The following RBFOX1 variants were observed in gnomAD, a reference collection of about 807,000 sequenced individuals.
The protein encoded by RBFOX1 is RNA binding protein fox-1 homolog 1.
A neutral mutation model predicts 57.7 loss-of-function variants in RBFOX1; 8 were observed. The observed-to-expected ratio is 0.14, with a 90% CI of 0.08 to 0.25. The LOEUF (loss-of-function observed/expected upper bound fraction) is 0.25. RBFOX1 is among the 10% of genes least tolerant of loss of function. The pLI is 1.00. For synonymous variants in RBFOX1, 326 were observed against 222.4 expected (o/e 1.47, Z -4.15); for missense variants, 611 against 548.5 (o/e 1.11, Z -1.14).
intron 3 of RBFOX1, among the ~76,000 whole-genome samples, chr16:6,888,044 T>C (rs1269805050): frequency 6.6e-6 from 1 of 152,098 alleles, no homozygotes; most frequent in Non-Finnish European, 1.5e-5. Context: ...TGCTTGTGTG[T>C]CTGATTTGGG....
At chr16:6,939,737 C>G (rs1742102253) in intron 3 of RBFOX1, among the ~76,000 whole-genome samples, 1 of 151,984 alleles carries the variant, frequency 6.6e-6, no homozygotes, top group Non-Finnish European at 1.5e-5. Flanking sequence ...GTCTCAGACT[C>G]CTGGCCTCAA....
intron 3 of RBFOX1, among the ~76,000 whole-genome samples, chr16:6,798,175 G>C (rs1334153317): frequency 6.6e-6 from 1 of 152,114 alleles, no homozygotes; most frequent in African/African-American, 2.4e-5. Flanking sequence ...GGCGTTTCTA[G>C]TCTCTTCTCT....
intron 3 of RBFOX1, among the ~76,000 whole-genome samples, chr16:5,654,879 G>T (rs1170954355): frequency 6.6e-6 from 1 of 151,932 alleles, no homozygotes; most frequent in Admixed American, 6.6e-5. Flanking sequence ...TTGTAAGCAA[G>T]CAGGGGAATG....
At chr16:5,794,859 C>T (rs1177552565) in intron 3 of RBFOX1, among the ~76,000 whole-genome samples, 3 of 152,142 alleles carry the variant, frequency 2.0e-5, no homozygotes, top group Non-Finnish European at 2.9e-5. Flanking sequence ...AGGCTGCAAT[C>T]CTACTATGGC....
At chr16:7,549,591 C>A (rs906964848) in intron 5 of RBFOX1, among the ~76,000 whole-genome samples, 1 of 152,312 alleles carries the variant, frequency 6.6e-6, no homozygotes, top group South Asian at 2.1e-4. Flanking sequence ...GTGAAACCTT[C>A]AGTCTGTGGT....
chr16:6,858,774 GT>G (rs780589612), intron 3 of RBFOX1, among the ~76,000 whole-genome samples: 2 of 152,026 alleles, frequency 1.3e-5, no homozygotes, highest in Non-Finnish European at 2.9e-5. Flanking sequence ...TTAGTTGAAA[GT>G]TTTAGAAAAC....
At chr16:5,409,880 T>C (rs1253744042) in intron 1 of RBFOX1, among the ~76,000 whole-genome samples, 1 of 151,880 alleles carries the variant, frequency 6.6e-6, no homozygotes, top group Non-Finnish European at 1.5e-5. Context: ...AAACCCCGTC[T>C]CTACTAAAAA....
intron 1 of RBFOX1, among the ~76,000 whole-genome samples, chr16:6,216,903 T>C (rs2097339219): frequency 6.6e-6 from 1 of 152,170 alleles, no homozygotes; most frequent in Non-Finnish European, 1.5e-5. Flanking sequence ...TGGAAGCTCT[T>C]CTTTGATAAT....
At chr16:6,752,615 A>C (rs2075127656) in intron 3 of RBFOX1, among the ~76,000 whole-genome samples, 1 of 152,160 alleles carries the variant, frequency 6.6e-6, no homozygotes, top group African/African-American at 2.4e-5. Flanking sequence ...TTATTATGGC[A>C]TCTTGCCATA....
intron 4 of RBFOX1, among the ~76,000 whole-genome samples, chr16:7,320,941 T>G (rs1266653349): frequency 2.0e-5 from 3 of 152,158 alleles, no homozygotes; most frequent in Non-Finnish European, 4.4e-5. Context: ...GAGCCCAAAT[T>G]TGGACCCAAA....
At chr16:5,475,720 T>C (rs1008852714) in intron 2 of RBFOX1, among the ~76,000 whole-genome samples, 8 of 152,210 alleles carry the variant, frequency 5.3e-5, no homozygotes, top group Non-Finnish European at 1.0e-4. Flanking sequence ...GGTGAGTCTT[T>C]GAGGTTTCAT....
intron 2 of RBFOX1, among the ~76,000 whole-genome samples, chr16:6,583,387 A>T (rs1166987813): frequency 6.6e-6 from 1 of 152,226 alleles, no homozygotes; most frequent in African/African-American, 2.4e-5. Flanking sequence ...GAGGAATGAT[A>T]CCAGCCAATC....
intron 3 of RBFOX1, among the ~76,000 whole-genome samples, chr16:7,040,443 T>A (rs1243113462): frequency 6.6e-6 from 1 of 152,204 alleles, no homozygotes; most frequent in Non-Finnish European, 1.5e-5. Flanking sequence ...GCATTTAAAT[T>A]ATATTATTAT....
At chr16:5,268,336 C>T (rs1340162275) in intron 1 of RBFOX1, among the ~76,000 whole-genome samples, 1 of 152,156 alleles carries the variant, frequency 6.6e-6, no homozygotes, top group Non-Finnish European at 1.5e-5. Context: ...TGAGAGATTC[C>T]TCAGCACATC....
intron 1 of RBFOX1, among the ~76,000 whole-genome samples, chr16:6,268,397 A>G (rs1343236960): frequency 6.6e-6 from 1 of 152,188 alleles, no homozygotes; most frequent in African/African-American, 2.4e-5. Flanking sequence ...TATGAAGCAC[A>G]GCTTGTGATT....
chr16:5,410,896 C>A (rs2067002813), intron 1 of RBFOX1, among the ~76,000 whole-genome samples: 1 of 152,230 alleles, frequency 6.6e-6, no homozygotes, highest in Non-Finnish European at 1.5e-5. Context: ...GCTTGGGAAA[C>A]CACTTGTACT....
intron 1 of RBFOX1, among the ~76,000 whole-genome samples, chr16:5,290,562 A>T (rs1016057192): frequency 6.6e-6 from 1 of 152,232 alleles, no homozygotes; most frequent in African/African-American, 2.4e-5. Flanking sequence ...TAATAGTTAT[A>T]TTAAACAAGT....
chr16:7,650,757 T>C (rs934841301), intron 11 of RBFOX1, among the ~76,000 whole-genome samples: 7 of 152,192 alleles, frequency 4.6e-5, no homozygotes, highest in African/African-American at 9.6e-5. Flanking sequence ...CTCTGCCAGA[T>C]TGTGAATTTT....
At chr16:6,852,371 A>G (rs1411649757) in intron 3 of RBFOX1, among the ~76,000 whole-genome samples, 1 of 152,070 alleles carries the variant, frequency 6.6e-6, no homozygotes, top group African/African-American at 2.4e-5. Context: ...CCATTTTGTG[A>G]GCATCAGTTC....
Sources: gnomAD v4.1 joint callset for allele counts (sites outside exome capture counted in the v4.1 genomes callset) on GRCh38, gnomAD v4.1.1 for gene constraint, MANE v1.5 for transcripts, NCBI Gene and HGNC (gene_info 2026-07-23, HGNC 2026-07-21) for gene names.